The following IGSF11 variants were observed in gnomAD, a reference collection of about 807,000 sequenced individuals.
The protein encoded by IGSF11 is immunoglobulin superfamily member 11.
A neutral mutation model predicts 41.0 loss-of-function variants in IGSF11; 22 were observed. The observed-to-expected ratio is 0.54, with a 90% CI of 0.38 to 0.77. The LOEUF (loss-of-function observed/expected upper bound fraction) is 0.77. Ranked by LOEUF, IGSF11 falls within the 30% of genes least tolerant of loss-of-function variation. IGSF11 has a pLI of 0.00. For synonymous variants in IGSF11, 219 were observed against 201.3 expected (o/e 1.09, Z -0.74); for missense variants, 444 against 530.8 (o/e 0.84, Z 1.61).
At chr3:118,949,975 A>G (rs72968605) in intron 1 of IGSF11, among the ~76,000 whole-genome samples, 11,873 of 152,298 alleles carry the variant, frequency 0.078, 660 homozygotes, top group Admixed American at 0.16. Flanking sequence ...CAAGGCCTAG[A>G]ATAAATTAGG....
chr3:118,999,424 G>A (rs1184488189), intron 1 of IGSF11, among the ~76,000 whole-genome samples: 4 of 152,088 alleles, frequency 2.6e-5, no homozygotes, highest in African/African-American at 9.7e-5. Flanking sequence ...TTCTCACTAT[G>A]TACTCCATTG....
intron 1 of IGSF11, among the ~76,000 whole-genome samples, chr3:119,073,328 C>T (rs773813886): frequency 2.0e-5 from 3 of 152,212 alleles, no homozygotes; most frequent in Non-Finnish European, 2.9e-5. Flanking sequence ...GGAGCCCAGC[C>T]GGCTTTGCCT....
Position 119,142,103 on chromosome 3 carries a change from C to G in IGSF11, c.-14+3710G>C, listed in dbSNP as rs1444426034. On this transcript the variant is annotated intron_variant, in intron 1 of 7. Transcript: ENST00000425327. The stretch of plus-strand genomic sequence containing the variant: ...ATCCTGACTAACACGGTGAAACCCC[C>G]TCTCTACTAAAAATACAAAAAATTA... 8.6e-5 allele frequency among the ~76,000 whole-genome samples: 13 copies of G among 151,918 alleles called. 1 individual carries two copies. In the South Asian group the frequency reaches 2.3e-3, roughly 27 times the overall value.
intron 1 of IGSF11, among the ~76,000 whole-genome samples, chr3:119,044,613 G>T (rs1941247446): frequency 6.6e-6 from 1 of 152,104 alleles, no homozygotes; most frequent in South Asian, 2.1e-4. Context: ...GAGTCAACAG[G>T]TTATCTAATA....
chr3:119,114,869 G>T (rs1335580839), intron 1 of IGSF11, among the ~76,000 whole-genome samples: 1 of 152,182 alleles, frequency 6.6e-6, no homozygotes, highest in Non-Finnish European at 1.5e-5. Context: ...TTGCCTCACA[G>T]TTCCATAGGC....
At chr3:118,959,946 G>T (rs897426406) in intron 1 of IGSF11, among the ~76,000 whole-genome samples, 1 of 152,040 alleles carries the variant, frequency 6.6e-6, no homozygotes, top group Non-Finnish European at 1.5e-5. Context: ...TCGGGAGGCT[G>T]AGGCAGGAGA....
intron 1 of IGSF11, among the ~76,000 whole-genome samples, chr3:118,938,038 A>AT (rs1943408705): frequency 1.3e-5 from 2 of 149,938 alleles, no homozygotes; most frequent in Admixed American, 1.3e-4. Flanking sequence ...ATATATATAT[A>AT]AAATGTGTGT....
chr3:119,107,267 A>C (rs1257175581), upstream of IGSF11, among the ~76,000 whole-genome samples: 1 of 152,200 alleles, frequency 6.6e-6, no homozygotes, highest in Non-Finnish European at 1.5e-5. Flanking sequence ...CTGACTCTTC[A>C]ATGATCACCA....
intron 1 of IGSF11, among the ~76,000 whole-genome samples, chr3:119,074,639 A>T (rs985439010): frequency 7.3e-5 from 11 of 151,250 alleles, no homozygotes; most frequent in African/African-American, 2.7e-4. Flanking sequence ...GTGGATCACA[A>T]GGTCAGGGGA....
At chr3:118,986,103 C>T (rs923571537) in intron 1 of IGSF11, among the ~76,000 whole-genome samples, 2 of 152,170 alleles carry the variant, frequency 1.3e-5, no homozygotes, top group Non-Finnish European at 2.9e-5. Flanking sequence ...TTTATCTTCC[C>T]TCATGTACTT....
At chr3:119,026,749 C>T (rs1439484942) in intron 1 of IGSF11, among the ~76,000 whole-genome samples, 2 of 152,200 alleles carry the variant, frequency 1.3e-5, no homozygotes, top group African/African-American at 4.8e-5. Flanking sequence ...GCAAAATGGT[C>T]ATCCCAAAGT....
intron 1 of IGSF11, among the ~76,000 whole-genome samples, chr3:119,079,074 T>C (rs1559855163): frequency 6.6e-6 from 1 of 151,994 alleles, no homozygotes; most frequent in African/African-American, 2.4e-5. Flanking sequence ...AGTTAAAAAA[T>C]AGGCCGGGCA....
chr3:119,008,979 C>T (rs1937751603), intron 1 of IGSF11, among the ~76,000 whole-genome samples: 1 of 152,186 alleles, frequency 6.6e-6, no homozygotes, highest in South Asian at 2.1e-4. Flanking sequence ...AACTAGGATA[C>T]TGCCTCTGCA....
chr3:118,987,320 G>C (rs764854842), intron 1 of IGSF11, among the ~76,000 whole-genome samples: 9 of 152,222 alleles, frequency 5.9e-5, no homozygotes, highest in Non-Finnish European at 1.2e-4. Flanking sequence ...GGAAATGGGT[G>C]AGGACAAACT....
chr3:118,914,806 CACAG>C (rs1344513940), intron 4 of IGSF11, among the ~76,000 whole-genome samples: 1 of 124,646 alleles, frequency 8.0e-6, no homozygotes, highest in African/African-American at 3.5e-5. Flanking sequence ...GGGGGCAGGG[CACAG>C]ACAAACAAAA....
intron 1 of IGSF11, among the ~76,000 whole-genome samples, chr3:118,970,297 A>G (rs937458417): frequency 5.3e-5 from 8 of 152,240 alleles, no homozygotes; most frequent in African/African-American, 1.9e-4. Context: ...ACAAAAGGGA[A>G]GGTATAATAG....
chr3:118,930,627 A>G (rs1321256479), intron 1 of IGSF11, among the ~76,000 whole-genome samples: 2 of 152,260 alleles, frequency 1.3e-5, no homozygotes, highest in African/African-American at 4.8e-5. Flanking sequence ...ACATAAGCAC[A>G]CTGCAAAATT....
intron 1 of IGSF11, among the ~76,000 whole-genome samples, chr3:119,103,286 C>T (rs769873831): frequency 6.6e-5 from 10 of 152,174 alleles, no homozygotes; most frequent in Non-Finnish European, 8.8e-5. Flanking sequence ...CGTGAGCCGC[C>T]GCGCCCGGCC....
intron 1 of IGSF11, among the ~76,000 whole-genome samples, chr3:118,998,730 G>C (rs1298526489): frequency 6.6e-6 from 1 of 151,998 alleles, no homozygotes; most frequent in African/African-American, 2.4e-5. Flanking sequence ...ATTTATTTTT[G>C]ATGCCTCAAT....
Sources: gnomAD v4.1 joint callset for allele counts (sites outside exome capture counted in the v4.1 genomes callset) on GRCh38, gnomAD v4.1.1 for gene constraint, MANE v1.5 for transcripts, NCBI Gene and HGNC (gene_info 2026-07-23, HGNC 2026-07-21) for gene names.